The following CYP51A1 variants were observed in gnomAD, a reference collection of about 807,000 sequenced individuals.
CYP51A1 encodes cytochrome P450 family 51 subfamily A member 1, also known as lanosterol 14-alpha demethylase.
In CYP51A1, 45 loss-of-function variants were observed where a neutral mutation model predicts 53.5. The ratio of observed to expected loss-of-function variants is 0.84; its 90% CI spans 0.66 to 1.08. CYP51A1 has a LOEUF of 1.08. CYP51A1 is among the 50% of genes least tolerant of loss of function. The pLI is 0.00. For synonymous variants in CYP51A1, 181 were observed against 217.7 expected (o/e 0.83, Z 1.48); for missense variants, 462 against 621.7 (o/e 0.74, Z 2.73).
At chr7:92,117,939 G>T (rs1360666581) in intron 8 of CYP51A1, among the ~76,000 whole-genome samples, 2 of 149,166 alleles carry the variant, frequency 1.3e-5, no homozygotes, top group African/African-American at 4.9e-5. Context: ...AGTGAGCTGA[G>T]ATCGCACCAC....
At position 92,112,733 on chromosome 7, in the gene CYP51A1, G is replaced by A. The variant is rs1392023042; in HGVS notation, c.*932C>T. On this transcript the variant is annotated 3_prime_UTR_variant, in exon 10 of 10. Coordinates refer to ENST00000003100, the MANE Select transcript of CYP51A1 (RefSeq NM_000786.4). Reference sequence around the variant, plus strand: ...TAATCCCAACTACTTGGGAGGCTGAGGCAGAGAATTGCTTGAACCCGGGAG... The same window carrying A: ...TAATCCCAACTACTTGGGAGGCTGAAGCAGAGAATTGCTTGAACCCGGGAG... 1 of 151,992 alleles carries A rather than the reference G, an allele frequency of 6.6e-6. No individual in the cohort carries two copies. The highest frequency in any genetic ancestry group is 2.4e-5 in the African/African-American group (1 of 41,332). 9.4% of individuals were successfully genotyped at this position (151,992 alleles called of 1,614,324 possible). A position where few individuals can be genotyped will look rare whatever the true frequency, so the allele number is the denominator to read the frequency against.
chr7:92,127,236 C>A (rs2130953066), intron 4 of CYP51A1, among the ~76,000 whole-genome samples: 2 of 152,308 alleles, frequency 1.3e-5, no homozygotes, highest in South Asian at 4.2e-4. Context: ...TGACCTGCTG[C>A]CCTGGGTCCT....
intron 4 of CYP51A1, 60 bp from the exon 5 acceptor site, chr7:92,126,487 A>G (rs1819803694): frequency 2.1e-6 from 3 of 1,407,628 alleles, no homozygotes; most frequent in Non-Finnish European, 2.9e-6. Flanking sequence ...GAAAATTGAG[A>G]ATTAAAAACA....
chr7:92,115,786 A>G (rs1329087318), intron 9 of CYP51A1, among the ~76,000 whole-genome samples: 3 of 152,240 alleles, frequency 2.0e-5, no homozygotes, highest in Non-Finnish European at 4.4e-5. Flanking sequence ...AACAGATTTC[A>G]GCTTTAACAT....
rs1427723979 is a variant in CYP51A1, at chr7:92,112,964, T to C, written c.*701A>G. 1.3e-5 allele frequency: 2 copies of C among 152,142 alleles called. No homozygotes were observed. Among genetic ancestry groups the C allele is most frequent in the African/African-American group, 4.8e-5 (2 of 41,432 alleles). The allele number at this position is 152,142 out of a possible 1,614,324, so 9.4% of individuals were successfully genotyped here. A position where few individuals can be genotyped will look rare whatever the true frequency, so the allele number is the denominator to read the frequency against. Reference sequence around the variant, plus strand: ...CATATTTATCAGGTAAATAAATATGTAATTATTTAGTAATTAGATCAAGAT... The same window carrying C: ...CATATTTATCAGGTAAATAAATATGCAATTATTTAGTAATTAGATCAAGAT... On this transcript the variant is annotated 3_prime_UTR_variant, in exon 10 of 10. Coordinates refer to ENST00000003100, the MANE Select transcript of CYP51A1 (RefSeq NM_000786.4).
chr7:92,117,164 G>A lies in CYP51A1; in HGVS notation c.1231C>T (p.Pro411Ser), dbSNP rs777133695. The A allele has an allele frequency of 6.2e-7, 1 of 1,614,044 alleles. No individual in the cohort carries two copies. The highest frequency in any genetic ancestry group is 1.1e-5 in the South Asian group (1 of 91,062). The change falls in exon 9 of 10, where the codon CCC becomes TCC. Residue 411 changes from proline (P) to serine (S), a missense_variant. Pro to Ser is a moderately conservative substitution (Grantham distance 74). Transcript: ENST00000003100. ...TCTTTAAGTCTTTGATTGACAGTGG[G>A]AGAAACACACACCTGATGTCCTGGA... is the stretch of plus-strand genomic sequence containing the variant. Reference protein sequence around the residue: ...IPPGHQVCVSPTVNQRLKDSW... With the variant: ...IPPGHQVCVSSTVNQRLKDSW...
upstream of CYP51A1, chr7:92,134,508 G>A (rs1465030618): frequency 1.2e-6 from 1 of 804,942 alleles, no homozygotes; most frequent in South Asian, 1.9e-5. Context: ...GGTCCCACGC[G>A]CGCCACCCCG....
intron 7 of CYP51A1, 136 bp downstream of exon 7, chr7:92,122,984 A>T: frequency 1.5e-6 from 1 of 654,940 alleles, no homozygotes; most frequent in Non-Finnish European, 2.6e-6. Context: ...GTAAGGTTAT[A>T]GGGAATTTGC....
intron 7 of CYP51A1, among the ~76,000 whole-genome samples, chr7:92,122,913 C>G (rs1819718834): frequency 2.6e-5 from 4 of 152,110 alleles, no homozygotes; most frequent in Non-Finnish European, 5.9e-5. Context: ...TCTAAGCCAT[C>G]AACCCAAAAC....
intron 7 of CYP51A1, among the ~76,000 whole-genome samples, chr7:92,122,005 A>G (rs753997540): frequency 1.7e-4 from 26 of 152,204 alleles, no homozygotes; most frequent in Non-Finnish European, 2.9e-4. Flanking sequence ...GTTACTAAAA[A>G]CAAGAATGAG....
intron 9 of CYP51A1, among the ~76,000 whole-genome samples, chr7:92,114,138 T>C (rs1563176090): frequency 6.6e-6 from 1 of 152,148 alleles, no homozygotes; most frequent in Non-Finnish European, 1.5e-5. Flanking sequence ...GGTAATCTAG[T>C]TTGGGAATAT....
rs1054986047 is a variant in CYP51A1 at position 92,133,895 on chromosome 7, G to T, written c.192+278C>A. 2.0e-5 allele frequency among the ~76,000 whole-genome samples: 3 copies of T among 152,290 alleles called. No homozygotes were observed. The South Asian group carries it at 6.2e-4, about 32-fold the overall frequency. ...CCACAAATGCCGCAACCACGACCCC[G>T]TCTAGGATCAGATACACAGCCGGGG... On this transcript the variant is annotated intron_variant, in intron 1 of 9. Transcript: ENST00000003100.
chr7:92,119,270 C>A (rs1584631881), intron 7 of CYP51A1, among the ~76,000 whole-genome samples: 1 of 152,290 alleles, frequency 6.6e-6, no homozygotes. Context: ...AAAGTTCCAA[C>A]ATAAGAGAAT....
At chr7:92,131,978 A>C in intron 1 of CYP51A1, 106 bp from the exon 2 acceptor site, 2 of 545,922 alleles carry the variant, frequency 3.7e-6, no homozygotes, top group South Asian at 3.7e-5. Context: ...TTAAGACTTC[A>C]AAAAAAAGTT....
chr7:92,122,474 T>C (rs140274276), intron 7 of CYP51A1, among the ~76,000 whole-genome samples: 2 of 152,152 alleles, frequency 1.3e-5, no homozygotes, highest in East Asian at 3.9e-4. Flanking sequence ...TTATATGTAG[T>C]AACATATAGA....
upstream of CYP51A1, chr7:92,134,551 G>C (rs570345075): frequency 1.6e-6 from 1 of 608,194 alleles, no homozygotes; most frequent in Non-Finnish European, 2.8e-6. Context: ...TGTTCCGCTG[G>C]CCACGCCCCT....
chr7:92,132,009 C>A, intron 1 of CYP51A1, 137 bp from the exon 2 acceptor site: 1 of 608,512 alleles, frequency 1.6e-6, no homozygotes, highest in South Asian at 1.8e-5. Context: ...AAGGAAGCAT[C>A]AGAAGTAACT....
intron 4 of CYP51A1, 86 bp from the exon 5 acceptor site, chr7:92,126,513 C>A: frequency 3.4e-6 from 4 of 1,179,662 alleles, no homozygotes; most frequent in Non-Finnish European, 4.7e-6. Flanking sequence ...CAAGAAGAAA[C>A]AAGATCCTAT....
At chr7:92,132,237 T>C (rs939561862) in intron 1 of CYP51A1, among the ~76,000 whole-genome samples, 5 of 152,206 alleles carry the variant, frequency 3.3e-5, no homozygotes, top group Admixed American at 2.0e-4. Context: ...ACTACACTTG[T>C]CCCTTGGCAT....
Sources: gnomAD v4.1 joint callset for allele counts (sites outside exome capture counted in the v4.1 genomes callset) on GRCh38, gnomAD v4.1.1 for gene constraint, MANE v1.5 for transcripts, NCBI Gene and HGNC (gene_info 2026-07-23, HGNC 2026-07-21) for gene names.